The following XRCC4 variants were observed in gnomAD, a reference collection of about 807,000 sequenced individuals.
XRCC4 encodes the protein X-ray repair cross complementing 4.
In XRCC4, 28 loss-of-function variants were observed where a neutral mutation model predicts 39.1. The ratio of observed to expected loss-of-function variants is 0.72; its 90% CI spans 0.53 to 0.98. XRCC4 has a LOEUF of 0.98. Among genes scored for constraint, XRCC4 ranks in the 50% least tolerant of loss-of-function variants. The probability of loss-of-function intolerance (pLI) is 0.00; values close to 1 mark genes in which losing one functional copy is unlikely to be tolerated. For synonymous variants in XRCC4, 123 were observed against 126.4 expected (o/e 0.97, Z 0.18); for missense variants, 350 against 376.4 (o/e 0.93, Z 0.58).
At position 83,203,694 on chromosome 5, in the gene XRCC4, A is replaced by G. The variant is rs1224705261; in HGVS notation, c.625A>G (p.Ile209Val). 6.2e-7 allele frequency: 1 copy of G among 1,608,756 alleles called. No individual in the cohort carries two copies. The highest frequency in any genetic ancestry group is 2.2e-5 in the East Asian group (1 of 44,602). The change falls in exon 5 of 8, where the codon ATC becomes GTC. Residue 209 changes from isoleucine to valine, a missense_variant. Coordinates refer to ENST00000396027, the MANE Select transcript of XRCC4 (RefSeq NM_003401.5). ...LNAAQEREKDIKQEGETAICS... is the reference protein window; with the variant it reads ...LNAAQEREKDVKQEGETAICS... ...TGCAGCTCAAGAACGAGAAAAGGAC[A>G]TCAAACAAGAAGGGTATTTTCGCTA...
chr5:83,185,192 C>A (rs911539656), intron 3 of XRCC4, among the ~76,000 whole-genome samples: 1 of 151,556 alleles, frequency 6.6e-6, no homozygotes, highest in Non-Finnish European at 1.5e-5. Flanking sequence ...GAAGAGTAAA[C>A]GATGGAAAAC....
Position 83,145,839 on chromosome 5 carries a change from C to CT in XRCC4, c.315+34639dup, listed in dbSNP as rs539656931. Reference sequence around the variant, plus strand: ...CCCAGAATCAATCTGCTTTCATTCACTTTCCTGTGCAGTCAGGTCTTTTTT... The same window carrying CT: ...CCCAGAATCAATCTGCTTTCATTCACTTTTCCTGTGCAGTCAGGTCTTTTTT... On this transcript the variant is annotated intron_variant, in intron 3 of 7. Coordinates refer to ENST00000396027, the MANE Select transcript of XRCC4 (RefSeq NM_003401.5). 2.9e-3 allele frequency among the ~76,000 whole-genome samples: 438 copies of CT among 149,946 alleles called. 1 individual carries two copies. Among genetic ancestry groups the CT allele is most frequent in the Non-Finnish European group, 4.5e-3 (306 of 67,664 alleles).
At chr5:83,094,766 G>A (rs1297134401) in intron 1 of XRCC4, among the ~76,000 whole-genome samples, 2 of 151,418 alleles carry the variant, frequency 1.3e-5, no homozygotes, top group Non-Finnish European at 2.9e-5. Flanking sequence ...GTTCACCATA[G>A]CTTTGAATTC....
chr5:83,279,795 A>C (rs568361437), intron 7 of XRCC4: 17 of 152,776 alleles, frequency 1.1e-4, no homozygotes, highest in African/African-American at 3.8e-4. Context: ...CAATGGTGCA[A>C]GTTTATAACC....
intron 7 of XRCC4, among the ~76,000 whole-genome samples, chr5:83,347,682 GCCCCTCCCACAT>G (rs966458079): frequency 1.1e-4 from 16 of 151,988 alleles, no homozygotes; most frequent in African/African-American, 3.9e-4. Context: ...GCCATCCCTG[GCCCCTCCCACAT>G]CCCCTTCTCA....
At chr5:83,312,352 GT>G (rs1395744505) in intron 7 of XRCC4, among the ~76,000 whole-genome samples, 6 of 152,146 alleles carry the variant, frequency 3.9e-5, no homozygotes, top group Admixed American at 6.5e-5. Context: ...TACACAAAGA[GT>G]TTGAGGTTAT....
intron 3 of XRCC4, among the ~76,000 whole-genome samples, chr5:83,161,859 C>T (rs1749227974): frequency 6.6e-6 from 1 of 152,152 alleles, no homozygotes; most frequent in Non-Finnish European, 1.5e-5. Flanking sequence ...GAATTGTTAT[C>T]TCAAATTCTG....
At chr5:83,227,133 T>C (rs920554661) in intron 6 of XRCC4, among the ~76,000 whole-genome samples, 2 of 152,158 alleles carry the variant, frequency 1.3e-5, no homozygotes, top group Non-Finnish European at 2.9e-5. Context: ...TCTTAGTTTT[T>C]GTTCTTTACC....
At chr5:83,349,887 G>C (rs1414403892) in intron 7 of XRCC4, among the ~76,000 whole-genome samples, 1 of 152,078 alleles carries the variant, frequency 6.6e-6, no homozygotes, top group Non-Finnish European at 1.5e-5. Flanking sequence ...GTACCCAATA[G>C]GTAGTTTTTC....
At chr5:83,251,149 A>G (rs1753292829) in intron 6 of XRCC4, among the ~76,000 whole-genome samples, 2 of 152,174 alleles carry the variant, frequency 1.3e-5, no homozygotes, top group Non-Finnish European at 2.9e-5. Flanking sequence ...CTCAATAAAT[A>G]TTGGTTGAAT....
At chr5:83,116,608 C>CTTTTTTTTTTTTTT (rs559079642) in intron 3 of XRCC4, among the ~76,000 whole-genome samples, 1 of 103,196 alleles carries the variant, frequency 9.7e-6, no homozygotes, top group East Asian at 4.3e-4. Context: ...TTCTCTCTCT[C>CTTTTTTTTTTTTTT]TTTTTTTTTT....
intron 7 of XRCC4, among the ~76,000 whole-genome samples, chr5:83,338,793 T>C (rs1379826714): frequency 1.3e-5 from 2 of 152,186 alleles, no homozygotes; most frequent in African/African-American, 4.8e-5. Context: ...TATAGTGTGT[T>C]CAGTTAATAT....
At chr5:83,358,631 T>C (rs1757215910), downstream of XRCC4, among the ~76,000 whole-genome samples, 1 of 152,174 alleles carries the variant, frequency 6.6e-6, no homozygotes, top group Non-Finnish European at 1.5e-5. Context: ...GCAATTTTGG[T>C]AGCCGCTGTT....
intron 7 of XRCC4, among the ~76,000 whole-genome samples, chr5:83,332,058 A>G (rs1443426031): frequency 6.6e-6 from 1 of 152,148 alleles, no homozygotes; most frequent in East Asian, 1.9e-4. Flanking sequence ...ACATGGAAGC[A>G]TCTGGTTCAC....
chr5:83,343,528 G>A (rs1196373435), intron 7 of XRCC4, among the ~76,000 whole-genome samples: 1 of 152,134 alleles, frequency 6.6e-6, no homozygotes, highest in Admixed American at 6.6e-5. Flanking sequence ...AGGTTTGTCA[G>A]TCAGAGTTGA....
intron 3 of XRCC4, among the ~76,000 whole-genome samples, chr5:83,137,121 C>A (rs1747938141): frequency 6.6e-6 from 1 of 151,834 alleles, no homozygotes; most frequent in Admixed American, 6.6e-5. Context: ...AACAAGTAAC[C>A]AATTGAAAAA....
intron 2 of XRCC4, among the ~76,000 whole-genome samples, chr5:83,107,122 T>C (rs1330162926): frequency 1.3e-5 from 2 of 152,030 alleles, no homozygotes; most frequent in Non-Finnish European, 2.9e-5. Context: ...GTGCACTATG[T>C]GGTCATTTTA....
chr5:83,230,254 T>G (rs1752448849), intron 6 of XRCC4, among the ~76,000 whole-genome samples: 1 of 152,042 alleles, frequency 6.6e-6, no homozygotes, highest in Admixed American at 6.6e-5. Flanking sequence ...AGAAACAAAT[T>G]TCAAAGACTA....
rs549500319 is a variant in XRCC4 at position 83,166,630 on chromosome 5, AT to A, written c.316-29122del. Among the ~76,000 whole-genome samples, 920 of 135,096 alleles carry A rather than the reference AT, an allele frequency of 6.8e-3. 3 individuals are homozygous for A. Among genetic ancestry groups the A allele is most frequent in the African/African-American group, 0.015 (536 of 36,806 alleles). 88.6% of individuals were successfully genotyped at this position (135,096 alleles called of 152,430 possible). Reference sequence around the variant, plus strand: ...AAACATGTGCCACCACGCCTAGCTAATTTTTTTTTTTTTTTTTTGTAATTTG... The same window carrying A: ...AAACATGTGCCACCACGCCTAGCTAATTTTTTTTTTTTTTTTTGTAATTTG... On this transcript the variant is annotated intron_variant, in intron 3 of 7. Coordinates refer to ENST00000396027, the MANE Select transcript of XRCC4 (RefSeq NM_003401.5).
Sources: gnomAD v4.1 joint callset for allele counts (sites outside exome capture counted in the v4.1 genomes callset) on GRCh38, gnomAD v4.1.1 for gene constraint, MANE v1.5 for transcripts, NCBI Gene and HGNC (gene_info 2026-07-23, HGNC 2026-07-21) for gene names.